Variants in NXPE2 observed in about 807,000 individuals in gnomAD.
NXPE2 encodes the protein NXPE family member 2.
A neutral mutation model predicts 34.4 loss-of-function variants in NXPE2; 34 were observed. The ratio of observed to expected loss-of-function variants is 0.99; its 90% CI spans 0.75 to 1.31. The LOEUF is 1.31. Among genes scored for constraint, NXPE2 ranks in the 40% most tolerant of loss-of-function variants. NXPE2 has a pLI of 0.00. For missense variants in NXPE2, 649 were observed against 672.5 expected (o/e 0.97, Z 0.39); for synonymous variants, 235 against 231.3 (o/e 1.02, Z -0.15).
the NXPE2 span, chr11:114,522,605 G>A: frequency 1.0e-6 from 1 of 953,570 alleles, no homozygotes; most frequent in Non-Finnish European, 1.5e-6. Flanking sequence ...CTAGATAATT[G>A]CTCACTGGAG....
chr11:114,741,751 G>C, the NXPE2 span, among the ~76,000 whole-genome samples: 1 of 152,128 alleles, frequency 6.6e-6, no homozygotes, highest in Non-Finnish European at 1.5e-5. Flanking sequence ...TTCTCTTGTA[G>C]TTCACTGAGA....
At chr11:114,536,576 G>A in the NXPE2 span, among the ~76,000 whole-genome samples, 4 of 151,986 alleles carry the variant, frequency 2.6e-5, no homozygotes, top group Admixed American at 1.3e-4. Flanking sequence ...TCAAATAGAC[G>A]CCATAAAAAA....
At chr11:114,790,702 C>G in the NXPE2 span, among the ~76,000 whole-genome samples, 5 of 152,144 alleles carry the variant, frequency 3.3e-5, no homozygotes, top group East Asian at 9.7e-4. Flanking sequence ...CAATCTTGGT[C>G]CTGCACCAAG....
At chr11:114,713,340 A>G in the NXPE2 span, among the ~76,000 whole-genome samples, 1 of 152,174 alleles carries the variant, frequency 6.6e-6, no homozygotes, top group Non-Finnish European at 1.5e-5. Flanking sequence ...ACCCTCATGT[A>G]TGTTCTTTCC....
the NXPE2 span, among the ~76,000 whole-genome samples, chr11:114,626,518 C>A: frequency 6.6e-6 from 1 of 152,214 alleles, no homozygotes; most frequent in Non-Finnish European, 1.5e-5. Context: ...AAAAACCCAT[C>A]TGTACATCAC....
chr11:114,477,572 AT>A, the NXPE2 span, among the ~76,000 whole-genome samples: 1 of 152,130 alleles, frequency 6.6e-6, no homozygotes, highest in Non-Finnish European at 1.5e-5. Flanking sequence ...TAAACCTGAA[AT>A]TTTGGAGTTC....
chr11:114,502,312 A>C, the NXPE2 span, among the ~76,000 whole-genome samples: 2 of 151,376 alleles, frequency 1.3e-5, no homozygotes, highest in African/African-American at 2.4e-5. Context: ...CAAATTCTTC[A>C]CTCCCCCCAC....
Position 114,700,296 on chromosome 11 carries a change from C to G in NXPE2, c.866+1518C>G, listed in dbSNP as rs181966023. 2.6e-5 allele frequency among the ~76,000 whole-genome samples: 4 copies of G among 152,292 alleles called. No homozygotes were observed. The East Asian group carries it at 7.7e-4, about 29-fold the overall frequency. The stretch of plus-strand genomic sequence containing the variant: ...CTCTTTTAATATTAAAACTCTTTAA[C>G]ATGAAGGTCATAAGAGTAACAGTTT... On this transcript the variant is annotated intron_variant, in intron 3 of 5. Transcript: ENST00000389586.
At chr11:114,617,700 G>C in the NXPE2 span, among the ~76,000 whole-genome samples, 1 of 152,222 alleles carries the variant, frequency 6.6e-6, no homozygotes. Context: ...ACTGCCTCGT[G>C]GGTAACCACT....
the NXPE2 span, among the ~76,000 whole-genome samples, chr11:114,659,409 G>A: frequency 1.4e-5 from 2 of 146,462 alleles, no homozygotes; most frequent in African/African-American, 5.0e-5. Flanking sequence ...GTGAGGATAG[G>A]TCAATGAAAA....
chr11:114,678,638 T>G, intron 1 of NXPE2, 37 bp downstream of exon 1: 1 of 1,513,150 alleles, frequency 6.6e-7, no homozygotes, highest in African/African-American at 1.4e-5. Context: ...CAAGCTAACG[T>G]CAGGGAAGGG....
the NXPE2 span, among the ~76,000 whole-genome samples, chr11:114,601,944 A>AATTATATATAATATTATAT: frequency 1.2e-5 from 1 of 80,300 alleles, no homozygotes; most frequent in East Asian, 3.9e-4. Context: ...TATATTATAT[A>AATTATATATAATATTATAT]ATTATATATA....
At chr11:114,806,206 A>C in the NXPE2 span, among the ~76,000 whole-genome samples, 3 of 151,824 alleles carry the variant, frequency 2.0e-5, no homozygotes, top group Non-Finnish European at 2.9e-5. Flanking sequence ...CGTCACCATC[A>C]TCAAAGACCA....
chr11:114,688,976 T>C (rs1405266652), intron 2 of NXPE2, among the ~76,000 whole-genome samples: 2 of 152,106 alleles, frequency 1.3e-5, no homozygotes, highest in South Asian at 4.1e-4. Context: ...ATTTGGATAT[T>C]ATTTTCTCCT....
chr11:114,765,192 C>T, the NXPE2 span, among the ~76,000 whole-genome samples: 1 of 152,192 alleles, frequency 6.6e-6, no homozygotes, highest in African/African-American at 2.4e-5. Context: ...ATGTCTCCAC[C>T]TCTGACATCC....
At chr11:114,637,432 G>A in the NXPE2 span, among the ~76,000 whole-genome samples, 1 of 152,004 alleles carries the variant, frequency 6.6e-6, no homozygotes, top group Non-Finnish European at 1.5e-5. Context: ...GCCAGTCTGT[G>A]TCTTTTAATT....
intron 3 of NXPE2, among the ~76,000 whole-genome samples, chr11:114,702,092 C>A (rs115474426): frequency 0.017 from 2,606 of 152,200 alleles, 79 homozygotes; most frequent in African/African-American, 0.057. Flanking sequence ...TTAAAAAAGT[C>A]TTCTTCTTTT....
the NXPE2 span, among the ~76,000 whole-genome samples, chr11:114,589,626 C>G: frequency 6.6e-6 from 1 of 152,140 alleles, no homozygotes; most frequent in Non-Finnish European, 1.5e-5. Flanking sequence ...CTAGTGGAAG[C>G]TAATATCAAT....
the NXPE2 span, among the ~76,000 whole-genome samples, chr11:114,758,322 C>T: frequency 2.0e-3 from 306 of 152,300 alleles, 1 homozygote; most frequent in Non-Finnish European, 3.4e-3. Flanking sequence ...TATTATCTGG[C>T]CTAGCTTCCT....
Sources: gnomAD v4.1 joint callset for allele counts (sites outside exome capture counted in the v4.1 genomes callset) on GRCh38, gnomAD v4.1.1 for gene constraint, MANE v1.5 for transcripts, NCBI Gene and HGNC (gene_info 2026-07-23, HGNC 2026-07-21) for gene names.